P2RY10: variants seen among roughly 807,000 people sequenced by gnomAD.
The protein encoded by P2RY10 is P2Y receptor family member 10.
Under a neutral mutation model 12.1 loss-of-function variants are expected in P2RY10, and 4 were observed. The observed-to-expected ratio is 0.33, with a 90% CI of 0.16 to 0.76. The LOEUF (loss-of-function observed/expected upper bound fraction) is 0.76, where lower values mean the gene tolerates loss of function less well. Ranked by LOEUF, P2RY10 falls within the 30% of genes least tolerant of loss-of-function variation. P2RY10 has a pLI of 0.61. For missense variants in P2RY10, 233 were observed against 264.6 expected, an observed-to-expected ratio of 0.88 and a Z score of 0.83; for synonymous variants, 112 against 94.1, an observed-to-expected ratio of 1.19 and a Z score of -1.10.
At chrX:78,947,214 C>CAA (rs201603515) in intron 1 of P2RY10, among the ~76,000 whole-genome samples, 2 of 100,439 alleles carry the variant, frequency 2.0e-5, no homozygotes, top group African/African-American at 7.3e-5. Flanking sequence ...GACTCTGGCT[C>CAA]AAAAAAAAAA....
chrX:78,948,848 T>C (rs1399190310), intron 2 of P2RY10, among the ~76,000 whole-genome samples: 2 of 112,095 alleles, frequency 1.8e-5, no homozygotes, highest in Non-Finnish European at 3.8e-5. Context: ...TACACCACAT[T>C]TACTTTATCC....
intron 3 of P2RY10, among the ~76,000 whole-genome samples, chrX:78,960,304 G>C (rs1424723749): frequency 1.8e-5 from 2 of 111,623 alleles, no homozygotes; most frequent in African/African-American, 6.5e-5. Flanking sequence ...TGCAGTTGTG[G>C]GACAATTTTA....
At chrX:78,950,412 G>A (rs967874942) in intron 2 of P2RY10, among the ~76,000 whole-genome samples, 3 of 111,184 alleles carry the variant, frequency 2.7e-5, no homozygotes, top group African/African-American at 6.5e-5. Context: ...AGCACAAAGA[G>A]TATATAAAAT....
chrX:78,958,168 G>A (rs908779090), intron 3 of P2RY10, among the ~76,000 whole-genome samples: 2 of 112,341 alleles, frequency 1.8e-5, no homozygotes, highest in Non-Finnish European at 3.8e-5. Flanking sequence ...CCAACTAGAC[G>A]AATTCTAGTG....
intron 2 of P2RY10, among the ~76,000 whole-genome samples, chrX:78,949,509 G>A (rs1184052795): frequency 8.9e-6 from 1 of 111,732 alleles, no homozygotes; most frequent in Non-Finnish European, 1.9e-5. Context: ...ATGATACCAG[G>A]TCTTCCAAAG....
At chrX:78,945,686 G>A (rs1160099591) in intron 1 of P2RY10, among the ~76,000 whole-genome samples, 191 bp downstream of exon 1, 4 of 111,776 alleles carry the variant, frequency 3.6e-5, no homozygotes, top group African/African-American at 9.8e-5. Flanking sequence ...CAAAGTTAAC[G>A]TTAATGCCAT....
Position 78,961,851 on chromosome X carries a change from A to C in P2RY10, c.*311A>C, listed in dbSNP as rs774528302. ...AGTTTACCTTAAATTTTTTTCAATA[A>C]GTAAGTTATTGTTAATAATGCACAG... is the stretch of plus-strand genomic sequence containing the variant. On this transcript the variant is annotated 3_prime_UTR_variant, in exon 4 of 4. Transcript: ENST00000171757. 5.1e-6 allele frequency: 1 copy of C among 196,873 alleles called. No individual in the cohort carries two copies. The highest frequency in any genetic ancestry group is 1.1e-4 in the East Asian group (1 of 9,277). The allele number at this position is 196,873 out of a possible 1,213,427, so 16.2% of individuals were successfully genotyped here.
At chrX:78,955,607 G>A (rs1922300279) in intron 3 of P2RY10, among the ~76,000 whole-genome samples, 1 of 112,009 alleles carries the variant, frequency 8.9e-6, no homozygotes, top group Non-Finnish European at 1.9e-5. Context: ...TTTTAAAGAT[G>A]TCAGGCTCAA....
At position 78,960,468 on chromosome X, in the gene P2RY10, A is replaced by G. The variant is rs1414439720; in HGVS notation, c.-13-40A>G. 2.1e-5 allele frequency: 22 copies of G among 1,054,125 alleles called. No individual in the cohort carries two copies. In the Admixed American group the frequency reaches 5.0e-4, roughly 24 times the overall value. 86.9% of individuals were successfully genotyped at this position (1,054,125 alleles called of 1,213,427 possible). On this transcript the variant is annotated intron_variant, in intron 3 of 3. Coordinates refer to ENST00000171757, the MANE Select transcript of P2RY10 (RefSeq NM_014499.4). ...GATCTAGGTGTTAACTAAAGAACTA[A>G]TTAACCATTTTACTCTTTATTTTGT...
chrX:78,956,300 G>T (rs1023735563), intron 3 of P2RY10, among the ~76,000 whole-genome samples: 3 of 111,377 alleles, frequency 2.7e-5, no homozygotes, highest in Non-Finnish European at 3.8e-5. Flanking sequence ...TAGGTGCAGG[G>T]AATATTGATA....
At position 78,955,334 on chromosome X, in the gene P2RY10, A is replaced by T. The variant is rs1344738500; in HGVS notation, c.-14+2999A>T. On this transcript the variant is annotated intron_variant, in intron 3 of 3. Coordinates refer to ENST00000171757, the MANE Select transcript of P2RY10 (RefSeq NM_014499.4). ...ACTGGCATGAGGCAGATTGATTAAC[A>T]TGAGATAAGGAATTACAATTTATTT... Among the ~76,000 whole-genome samples the T allele has an allele frequency of 2.7e-5, 3 of 112,027 alleles. No individual in the cohort carries two copies. In the Admixed American group the frequency reaches 2.8e-4, roughly 11 times the overall value.
intron 3 of P2RY10, among the ~76,000 whole-genome samples, chrX:78,953,220 A>G (rs1045909155): frequency 8.9e-6 from 1 of 111,959 alleles, no homozygotes; most frequent in African/African-American, 3.3e-5. Context: ...TTGGCCAACT[A>G]TTTAATCTGG....
chrX:78,954,306 T>C (rs1039502247), intron 3 of P2RY10, among the ~76,000 whole-genome samples: 3 of 111,820 alleles, frequency 2.7e-5, no homozygotes, highest in Non-Finnish European at 5.6e-5. Flanking sequence ...TCTACCTTTA[T>C]AGTCTCTTTT....
At chrX:78,957,963 A>C (rs1922426643) in intron 3 of P2RY10, among the ~76,000 whole-genome samples, 1 of 112,293 alleles carries the variant, frequency 8.9e-6, no homozygotes, top group Admixed American at 9.4e-5. Flanking sequence ...GTGTGACTGC[A>C]GGAGAGTAAG....
chrX:78,948,901 C>G (rs1264087691), intron 2 of P2RY10, among the ~76,000 whole-genome samples: 2 of 111,657 alleles, frequency 1.8e-5, no homozygotes, highest in Non-Finnish European at 3.8e-5. Context: ...CACATCTTTG[C>G]AATTGTGATT....
At chrX:78,952,806 T>A (rs1438025357) in intron 3 of P2RY10, among the ~76,000 whole-genome samples, 1 of 111,801 alleles carries the variant, frequency 8.9e-6, no homozygotes, top group Non-Finnish European at 1.9e-5. Context: ...GGACAATAGA[T>A]GAAGTTGATT....
rs960241671 is a variant in P2RY10, at chrX:78,962,500, C to T, written c.*960C>T. Among the ~76,000 whole-genome samples the T allele has an allele frequency of 8.9e-6, 1 of 111,736 alleles. No homozygotes were observed. The highest frequency in any genetic ancestry group is 3.3e-5 in the African/African-American group (1 of 30,728). On this transcript the variant is annotated 3_prime_UTR_variant, in exon 4 of 4. Transcript: ENST00000171757. ...ATTTATTAGGTCTATACTAAATTAG[C>T]CTTCAATGATGAAGACAGACTAAAG...
In P2RY10 at chrX:78,958,605, T is replaced by A. The variant is rs753190293; in HGVS notation, c.-13-1903T>A. Among the ~76,000 whole-genome samples the A allele has an allele frequency of 4.4e-5, 5 of 112,460 alleles. No homozygotes were observed. The East Asian group carries it at 1.4e-3, about 31-fold the overall frequency. On this transcript the variant is annotated intron_variant, in intron 3 of 3. Coordinates refer to ENST00000171757, the MANE Select transcript of P2RY10 (RefSeq NM_014499.4). ...TCATAGGGTGATAATAGTTCTTACA[T>A]CTTAGGACAGTTGTGAAAATTAAAT... is the stretch of plus-strand genomic sequence containing the variant.
rs1357116125 is a variant in P2RY10 at position 78,960,813 on chromosome X, A to G, written c.293A>G (p.His98Arg). 1 of 1,211,381 alleles carries G rather than the reference A, an allele frequency of 8.3e-7. No individual in the cohort carries two copies. The highest frequency in any genetic ancestry group is 3.0e-5 in the East Asian group (1 of 33,852). Residue 98 changes from histidine (H) to arginine (R), a missense_variant, in exon 4 of 4, where the codon CAC becomes CGC. Transcript: ENST00000171757. ...CGGATTTACTATTACATCAGCCACC[A>G]CTGGCCTTTCCAGAGAGCCCTTTGC... ...PLRIYYYISHHWPFQRALCLL... is the reference protein window; with the variant it reads ...PLRIYYYISHRWPFQRALCLL...
Sources: allele counts gnomAD v4.1 joint callset (sites outside exome capture counted in the v4.1 genomes callset), GRCh38; gene constraint gnomAD v4.1.1; transcripts MANE v1.5; gene names NCBI Gene and HGNC (gene_info 2026-07-23, HGNC 2026-07-21).